TAFA2: variants seen among roughly 807,000 people sequenced by gnomAD.
TAFA2 encodes chemokine-like protein TAFA-2.
Under a neutral mutation model 18.8 loss-of-function variants are expected in TAFA2, and 7 were observed. The ratio of observed to expected loss-of-function variants is 0.37; its 90% confidence interval spans 0.21 to 0.70. The LOEUF (loss-of-function observed/expected upper bound fraction) is 0.70. Among genes scored for constraint, TAFA2 ranks in the 30% least tolerant of loss-of-function variants. The pLI is 0.53. For missense variants in TAFA2, 122 were observed against 158.1 expected, an observed-to-expected ratio of 0.77 and a Z score of 1.23; for synonymous variants, 60 against 54.2, an observed-to-expected ratio of 1.11 and a Z score of -0.47.
At chr12:61,762,605 C>T (rs928050533) in intron 2 of TAFA2, among the ~76,000 whole-genome samples, 3 of 149,672 alleles carry the variant, frequency 2.0e-5, no homozygotes, top group Non-Finnish European at 3.0e-5. Flanking sequence ...AAGTTATCTA[C>T]ATTCTATAGA....
Position 61,710,425 on chromosome 12 carries a change from G to A in TAFA2, c.385-8C>T, listed in dbSNP as rs979264678. On this transcript the variant is annotated splice_polypyrimidine_tract_variant and splice_region_variant and intron_variant, in intron 4 of 4. Coordinates refer to ENST00000416284, the MANE Select transcript of TAFA2 (RefSeq NM_178539.5). ...CCTGGGTTAATGGGTTACCTACAAAGGAAGGAGAAAATATAGTCAACATTT... is the reference window on the plus strand; with the variant it reads ...CCTGGGTTAATGGGTTACCTACAAAAGAAGGAGAAAATATAGTCAACATTT... 3.1e-6 allele frequency: 5 copies of A among 1,603,116 alleles called. No individual in the cohort carries two copies. The highest frequency in any genetic ancestry group is 4.5e-5 in the East Asian group (2 of 44,784).
At chr12:62,170,647 T>C (rs1231136981) in intron 1 of TAFA2, among the ~76,000 whole-genome samples, 1 of 151,746 alleles carries the variant, frequency 6.6e-6, no homozygotes, top group African/African-American at 2.4e-5. Flanking sequence ...ATTTAAGGGG[T>C]ACACATGCAG....
intron 2 of TAFA2, among the ~76,000 whole-genome samples, chr12:61,852,213 A>G (rs1264811272): frequency 3.9e-5 from 6 of 152,114 alleles, no homozygotes; most frequent in African/African-American, 1.4e-4. Context: ...TCTCAAAAAA[A>G]AAAAAAAAAG....
chr12:61,848,487 G>T (rs558588628), intron 2 of TAFA2, among the ~76,000 whole-genome samples: 1 of 152,220 alleles, frequency 6.6e-6, no homozygotes, highest in South Asian at 2.1e-4. Context: ...GTGCATGGAA[G>T]TAATTATGGT....
At chr12:62,012,368 G>T (rs903351728) in intron 1 of TAFA2, among the ~76,000 whole-genome samples, 4 of 147,398 alleles carry the variant, frequency 2.7e-5, no homozygotes, top group African/African-American at 1.0e-4. Context: ...CCCTATTGAA[G>T]ACAATAGGAG....
intron 1 of TAFA2, among the ~76,000 whole-genome samples, chr12:62,132,082 A>C (rs1870710611): frequency 6.6e-6 from 1 of 151,936 alleles, no homozygotes; most frequent in Non-Finnish European, 1.5e-5. Flanking sequence ...CAAAAAAAAA[A>C]AAAGAATTTA....
At chr12:61,922,173 A>G (rs1050461551) in intron 1 of TAFA2, among the ~76,000 whole-genome samples, 2 of 152,254 alleles carry the variant, frequency 1.3e-5, no homozygotes, top group African/African-American at 4.8e-5. Flanking sequence ...AACTTTAAAA[A>G]AATTGAAGAA....
At chr12:61,877,940 C>CACACACACATACAT (rs747007287) in intron 1 of TAFA2, 3 of 358,968 alleles carry the variant, frequency 8.4e-6, no homozygotes, top group African/African-American at 6.4e-5. Context: ...CACACACACA[C>CACACACACATACAT]ATACATATAC....
At chr12:62,044,680 G>A (rs1176003544) in intron 1 of TAFA2, among the ~76,000 whole-genome samples, 1 of 152,128 alleles carries the variant, frequency 6.6e-6, no homozygotes, top group Non-Finnish European at 1.5e-5. Flanking sequence ...TCAGTCACGT[G>A]CCAAACAACA....
chr12:62,170,995 T>C (rs1254857542), intron 1 of TAFA2, among the ~76,000 whole-genome samples: 3 of 152,210 alleles, frequency 2.0e-5, no homozygotes, highest in Admixed American at 6.5e-5. Context: ...AATTGATCCA[T>C]AGTTTAGGAC....
rs560275599 is a variant in TAFA2 at position 62,129,426 on chromosome 12, C to T, written c.-2+61833G>A. Among the ~76,000 whole-genome samples, 21 of 152,042 alleles carry T rather than the reference C, an allele frequency of 1.4e-4. No individual in the cohort carries two copies. In the South Asian group the frequency reaches 4.3e-3, roughly 31 times the overall value. The stretch of plus-strand genomic sequence containing the variant: ...GTTATGACATAAGAATCAATTGAGC[C>T]TCTTCAGATAACTATACCACAGCAT... On this transcript the variant is annotated intron_variant, in intron 1 of 4. Transcript: ENST00000416284.
chr12:61,863,665 T>G (rs929557244), intron 2 of TAFA2, among the ~76,000 whole-genome samples: 9 of 152,208 alleles, frequency 5.9e-5, no homozygotes, highest in Non-Finnish European at 1.2e-4. Context: ...ATCTGAGGGC[T>G]GTGAGGAGTA....
chr12:62,181,236 G>A (rs1222862792), intron 1 of TAFA2, among the ~76,000 whole-genome samples: 1 of 151,952 alleles, frequency 6.6e-6, no homozygotes, highest in African/African-American at 2.4e-5. Context: ...TCTCCCTTCG[G>A]CATTGAAGAA....
chr12:61,789,902 G>C (rs1038073969), intron 2 of TAFA2, among the ~76,000 whole-genome samples: 1 of 151,562 alleles, frequency 6.6e-6, no homozygotes, highest in African/African-American at 2.4e-5. Flanking sequence ...ACTATACAAG[G>C]ATGCAACAAA....
intron 1 of TAFA2, among the ~76,000 whole-genome samples, chr12:62,037,507 A>G (rs1881641283): frequency 6.6e-6 from 1 of 152,228 alleles, no homozygotes; most frequent in Non-Finnish European, 1.5e-5. Flanking sequence ...AGTAAATAGA[A>G]TGCCTGCTTC....
intron 1 of TAFA2, among the ~76,000 whole-genome samples, chr12:62,066,181 A>G (rs1247872202): frequency 6.6e-6 from 1 of 150,722 alleles, no homozygotes; most frequent in Non-Finnish European, 1.5e-5. Context: ...ATATATATTT[A>G]TGGGGTATAT....
chr12:62,031,349 G>T (rs1426578681), intron 1 of TAFA2, among the ~76,000 whole-genome samples: 1 of 152,112 alleles, frequency 6.6e-6, no homozygotes, highest in African/African-American at 2.4e-5. Context: ...CATGCTGGAT[G>T]CTTCCTGCCC....
At position 61,758,853 on chromosome 12, in the gene TAFA2, G is replaced by T. The variant is rs543384517; in HGVS notation, c.107-3829C>A. Among the ~76,000 whole-genome samples the T allele has an allele frequency of 2.0e-5, 3 of 152,122 alleles. No individual in the cohort carries two copies. The East Asian group carries it at 5.8e-4, about 30-fold the overall frequency. ...GAACCAGGGATGTGAGTCATGATGA[G>T]ATTACTCCTCTAAATCTCTGAATGG... On this transcript the variant is annotated intron_variant, in intron 2 of 4. Coordinates refer to ENST00000416284, the MANE Select transcript of TAFA2 (RefSeq NM_178539.5).
chr12:62,040,843 G>A (rs1436713665), intron 1 of TAFA2, among the ~76,000 whole-genome samples: 1 of 152,162 alleles, frequency 6.6e-6, no homozygotes, highest in African/African-American at 2.4e-5. Flanking sequence ...TGAATATAAA[G>A]AGAGACATGT....
Sources: gnomAD v4.1 joint callset for allele counts (sites outside exome capture counted in the v4.1 genomes callset) on GRCh38, gnomAD v4.1.1 for gene constraint, MANE v1.5 for transcripts, NCBI Gene and HGNC (gene_info 2026-07-23, HGNC 2026-07-21) for gene names.